TRHDE: variants seen among roughly 807,000 people sequenced by gnomAD.
The protein encoded by TRHDE is thyrotropin-releasing hormone-degrading ectoenzyme.
Under a neutral mutation model 125.7 loss-of-function variants are expected in TRHDE, and 72 were observed. The observed-to-expected ratio is 0.57, with a 90% CI of 0.47 to 0.70. The LOEUF is 0.70. Among genes scored for constraint, TRHDE ranks in the 30% least tolerant of loss-of-function variants. The pLI is 0.00. For missense variants in TRHDE, 1,110 were observed against 1,327.1 expected (o/e 0.84, Z 2.54); for synonymous variants, 509 against 509.1 (o/e 1.00, Z 0.00).
At chr12:72,535,897 T>C (rs1868834100) in intron 6 of TRHDE, among the ~76,000 whole-genome samples, 1 of 152,144 alleles carries the variant, frequency 6.6e-6, no homozygotes, top group Non-Finnish European at 1.5e-5. Flanking sequence ...ACTAATCCTT[T>C]CAGTAACTCA....
intron 5 of TRHDE, 72 bp downstream of exon 5, chr12:72,473,252 C>T: frequency 8.8e-7 from 1 of 1,140,150 alleles, no homozygotes; most frequent in Non-Finnish European, 1.3e-6. Context: ...TTATACCATC[C>T]TTAGAGATGA....
At chr12:72,170,425 T>C (rs1184072254) in intron 2 of TRHDE, among the ~76,000 whole-genome samples, 3 of 152,210 alleles carry the variant, frequency 2.0e-5, no homozygotes, top group Non-Finnish European at 2.9e-5. Context: ...TCTATCCCCA[T>C]GGTCAGCTGA....
At chr12:72,351,707 A>T (rs1870590369) in intron 2 of TRHDE, among the ~76,000 whole-genome samples, 1 of 151,874 alleles carries the variant, frequency 6.6e-6, no homozygotes, top group African/African-American at 2.4e-5. Context: ...TTTCCAATTC[A>T]TGCTCTAAAT....
chr12:72,221,210 G>A (rs146315651), intron 2 of TRHDE, among the ~76,000 whole-genome samples: 32 of 152,092 alleles, frequency 2.1e-4, no homozygotes, highest in Non-Finnish European at 3.4e-4. Flanking sequence ...GTGTGTATGC[G>A]TTTTTGGGGA....
At chr12:72,625,231 T>A (rs572456202) in intron 15 of TRHDE, among the ~76,000 whole-genome samples, 8 of 152,010 alleles carry the variant, frequency 5.3e-5, no homozygotes, top group African/African-American at 1.9e-4. Context: ...CATAATAATG[T>A]ATTTAAATAC....
intron 3 of TRHDE, among the ~76,000 whole-genome samples, chr12:72,445,150 G>T (rs1875215721): frequency 6.6e-6 from 1 of 151,614 alleles, no homozygotes. Flanking sequence ...TGAGCATGTT[G>T]TGTGCCTCAG....
At chr12:72,520,457 C>T (rs998899964) in intron 6 of TRHDE, among the ~76,000 whole-genome samples, 3 of 152,180 alleles carry the variant, frequency 2.0e-5, no homozygotes, top group African/African-American at 7.2e-5. Context: ...CTCCCTGACC[C>T]TTTGCGCTTC....
At chr12:72,518,094 T>A (rs1334675153) in intron 6 of TRHDE, among the ~76,000 whole-genome samples, 2 of 149,986 alleles carry the variant, frequency 1.3e-5, no homozygotes, top group East Asian at 3.9e-4. Flanking sequence ...ATAGGTGTGG[T>A]GTGGTGCTGA....
At position 72,593,183 on chromosome 12, in the gene TRHDE, T is replaced by C. The variant is rs73336704; in HGVS notation, c.2321+17641T>C. ...TGGTTGCCAGTCCAGAAAGGCTGTGTTTCCACATGTTTTTTGCTGTCACTA... is the reference window on the plus strand; with the variant it reads ...TGGTTGCCAGTCCAGAAAGGCTGTGCTTCCACATGTTTTTTGCTGTCACTA... On this transcript the variant is annotated intron_variant, in intron 12 of 18. Transcript: ENST00000261180. Among the ~76,000 whole-genome samples the C allele has an allele frequency of 5.3e-3, 801 of 152,302 alleles. 13 individuals carry two copies. The highest frequency in any genetic ancestry group is 0.018 in the African/African-American group (744 of 41,570).
At chr12:72,572,302 A>G (rs1213724616) in intron 10 of TRHDE, among the ~76,000 whole-genome samples, 1 of 152,178 alleles carries the variant, frequency 6.6e-6, no homozygotes, top group African/African-American at 2.4e-5. Context: ...AAAGTAAAAA[A>G]TATAAAATCT....
intron 12 of TRHDE, among the ~76,000 whole-genome samples, chr12:72,598,093 A>G (rs1872054114): frequency 6.6e-6 from 1 of 152,120 alleles, no homozygotes; most frequent in Non-Finnish European, 1.5e-5. Flanking sequence ...TGGCAAAAAA[A>G]GAAAAGGAAA....
At chr12:72,385,885 T>C (rs1872389960) in intron 3 of TRHDE, among the ~76,000 whole-genome samples, 1 of 152,182 alleles carries the variant, frequency 6.6e-6, no homozygotes. Context: ...ACAATGCATC[T>C]GAGTGAGAAT....
intron 2 of TRHDE, among the ~76,000 whole-genome samples, chr12:72,125,465 AC>A (rs1875691212): frequency 6.6e-6 from 1 of 152,168 alleles, no homozygotes. Flanking sequence ...AGTGAACATC[AC>A]CAGGCAAGAA....
chr12:72,186,091 C>T (rs1202214478), intron 2 of TRHDE: 1 of 152,396 alleles, frequency 6.6e-6, no homozygotes, highest in Non-Finnish European at 1.5e-5. Flanking sequence ...CATTGACAAC[C>T]AGTTGGGGTC....
chr12:72,381,621 C>T (rs1344801958), intron 3 of TRHDE, among the ~76,000 whole-genome samples: 3 of 152,044 alleles, frequency 2.0e-5, no homozygotes, highest in Admixed American at 6.6e-5. Flanking sequence ...TGGTCTCGAT[C>T]TCCTGACCTC....
rs958389380 is a variant in TRHDE, at chr12:72,664,038, T to G, written c.*843T>G. 1.3e-5 allele frequency: 2 copies of G among 152,134 alleles called. No individual in the cohort carries two copies. Among genetic ancestry groups the G allele is most frequent in the Non-Finnish European group, 2.9e-5 (2 of 68,014 alleles). The allele number at this position is 152,134 out of a possible 1,614,324, so 9.4% of individuals were successfully genotyped here. ...AACATTATTCTTTCTATGTCCTAAC[T>G]AAATTTCTCAACTGTTATGAATTTT... On this transcript the variant is annotated 3_prime_UTR_variant, in exon 19 of 19. Transcript: ENST00000261180.
In TRHDE at chr12:72,551,925, C is replaced by T. The variant is rs111834059; in HGVS notation, c.1788+9569C>T. 4.3e-3 allele frequency among the ~76,000 whole-genome samples: 652 copies of T among 151,952 alleles called. 2 individuals carry two copies. The highest frequency in any genetic ancestry group is 0.014 in the African/African-American group (597 of 41,480). The stretch of plus-strand genomic sequence containing the variant: ...ATGCTGAGGTCTGAAGGAAGAAAGA[C>T]GGGGGTCAGGGAGATTCCAAGAAGA... On this transcript the variant is annotated intron_variant, in intron 7 of 18. Transcript: ENST00000261180.
intron 2 of TRHDE, among the ~76,000 whole-genome samples, chr12:72,182,335 G>A (rs1052596834): frequency 6.6e-6 from 1 of 152,184 alleles, no homozygotes; most frequent in African/African-American, 2.4e-5. Context: ...ATTAAGAGCT[G>A]TAGAGACTGA....
At chr12:72,542,124 A>G (rs1167982572) in intron 6 of TRHDE, among the ~76,000 whole-genome samples, 167 bp from the exon 7 acceptor site, 2 of 151,392 alleles carry the variant, frequency 1.3e-5, no homozygotes, top group Non-Finnish European at 3.0e-5. Flanking sequence ...GACCAAAAAA[A>G]TGAAATTGTT....
Sources: gnomAD v4.1 joint callset for allele counts (sites outside exome capture counted in the v4.1 genomes callset) on GRCh38, gnomAD v4.1.1 for gene constraint, MANE v1.5 for transcripts, NCBI Gene and HGNC (gene_info 2026-07-23, HGNC 2026-07-21) for gene names.